CDK13: variants seen among roughly 807,000 people sequenced by gnomAD.
The protein encoded by CDK13 is cyclin-dependent kinase 13.
Under a neutral mutation model 137.6 loss-of-function variants are expected in CDK13, and 40 were observed. That is an observed-to-expected ratio of 0.29 (90% CI 0.23 to 0.38). CDK13 has a LOEUF of 0.38. Among genes scored for constraint, CDK13 ranks in the 10% least tolerant of loss-of-function variants. The pLI is 1.00. For missense variants in CDK13, 1,704 were observed against 1,951.8 expected, an observed-to-expected ratio of 0.87 and a Z score of 2.39; for synonymous variants, 869 against 760.1, an observed-to-expected ratio of 1.14 and a Z score of -2.36.
At chr7:39,958,190 G>A (rs887346935) in intron 1 of CDK13, among the ~76,000 whole-genome samples, 14 of 145,330 alleles carry the variant, frequency 9.6e-5, no homozygotes, top group Non-Finnish European at 2.0e-4. Context: ...TTAGTGAGAG[G>A]AACCGAAAAT....
At chr7:39,959,410 T>C (rs773405) in intron 1 of CDK13, among the ~76,000 whole-genome samples, 150,685 of 151,784 alleles carry the variant, frequency 0.99, 74,805 homozygotes, top group East Asian at 1. Flanking sequence ...ATCCACCCGC[T>C]TCAGCCTCCC....
In CDK13 at chr7:39,954,511, G is replaced by C. The variant is rs552726453; in HGVS notation, c.1211+2659G>C. On this transcript the variant is annotated intron_variant, in intron 1 of 13. Transcript: ENST00000181839. ...ATTTCTAGTGCTCAGCACTGTATCT[G>C]GCACAAGTACACTCTTAATAAATGT... Among the ~76,000 whole-genome samples the C allele has an allele frequency of 1.3e-4, 11 of 83,980 alleles. No individual in the cohort carries two copies. The South Asian group carries it at 4.1e-3, about 31-fold the overall frequency. 55.1% of individuals were successfully genotyped at this position (83,980 alleles called of 152,430 possible).
At chr7:40,061,777 C>T (rs1261014879) in intron 7 of CDK13, 1 of 152,200 alleles carries the variant, frequency 6.6e-6, no homozygotes, top group Non-Finnish European at 1.5e-5. Flanking sequence ...TCAGCTAGAA[C>T]GTGACCATTC....
At chr7:40,044,072 T>A (rs1463469420) in intron 5 of CDK13, among the ~76,000 whole-genome samples, 1 of 151,598 alleles carries the variant, frequency 6.6e-6, no homozygotes, top group Non-Finnish European at 1.5e-5. Context: ...AGTTTTTGTA[T>A]TTTTAGTAGA....
intron 9 of CDK13, chr7:40,071,689 T>C (rs1184478793): frequency 6.6e-6 from 1 of 152,228 alleles, no homozygotes; most frequent in African/African-American, 2.4e-5. Context: ...TTTTATGTTA[T>C]ATAATTTGTA....
Position 39,951,626 on chromosome 7 carries a change from C to CAA in CDK13, c.986_987insAA (p.His329GlnfsTer8). The CAA allele has an allele frequency of 6.7e-7, 1 of 1,486,508 alleles. No individual in the cohort carries two copies. Among genetic ancestry groups the CAA allele is most frequent in the Non-Finnish European group, 8.9e-7 (1 of 1,122,416 alleles). 92.1% of individuals were successfully genotyped at this position (1,486,508 alleles called of 1,614,324 possible). On this transcript the variant is annotated frameshift_variant, in exon 1 of 14. Coordinates refer to ENST00000181839, the MANE Select transcript of CDK13 (RefSeq NM_003718.5). LOFTEE classifies it high-confidence loss of function. ...AGGCCGGGACGACAGCCCGGTGTCC[C>CAA]ACAGGGCCTCTCAGAGCCTGAGGAG...
At chr7:40,019,817 G>A (rs1479257263) in intron 5 of CDK13, among the ~76,000 whole-genome samples, 1 of 152,122 alleles carries the variant, frequency 6.6e-6, no homozygotes, top group Non-Finnish European at 1.5e-5. Flanking sequence ...CATGAGAAGA[G>A]ACCCAGAGAT....
intron 1 of CDK13, among the ~76,000 whole-genome samples, chr7:39,969,783 A>G (rs1460346492): frequency 1.3e-5 from 2 of 151,954 alleles, no homozygotes; most frequent in Non-Finnish European, 1.5e-5. Flanking sequence ...GTATACTTCC[A>G]TATGTTTATT....
intron 5 of CDK13, among the ~76,000 whole-genome samples, chr7:40,044,317 CTTT>C (rs538722742): frequency 6.9e-6 from 1 of 144,522 alleles, no homozygotes; most frequent in Admixed American, 7.0e-5. Flanking sequence ...AAGTCTTTTG[CTTT>C]TTTTTTTTTC....
intron 5 of CDK13, among the ~76,000 whole-genome samples, chr7:40,027,321 T>C (rs1231807229): frequency 6.6e-6 from 1 of 152,204 alleles, no homozygotes; most frequent in Non-Finnish European, 1.5e-5. Context: ...CCAGCCTAGA[T>C]GACAGAGTGA....
chr7:40,064,808 T>C (rs1041772035), intron 9 of CDK13, among the ~76,000 whole-genome samples: 3 of 151,532 alleles, frequency 2.0e-5, no homozygotes, highest in African/African-American at 7.3e-5. Context: ...TTCCTGTTTT[T>C]TGAGACAGTA....
intron 1 of CDK13, among the ~76,000 whole-genome samples, chr7:39,975,938 A>C (rs1305855318): frequency 6.6e-6 from 1 of 152,206 alleles, no homozygotes; most frequent in African/African-American, 2.4e-5. Context: ...ATACAAGCCA[A>C]CCTGTAACAA....
chr7:40,081,159 T>G (rs983916119), intron 11 of CDK13, among the ~76,000 whole-genome samples: 2 of 152,160 alleles, frequency 1.3e-5, no homozygotes, highest in African/African-American at 4.8e-5. Flanking sequence ...CAATTTGGAT[T>G]TGATTGCCTT....
intron 5 of CDK13, among the ~76,000 whole-genome samples, chr7:40,031,828 GTTATTATTATTATTATTATTATTATTA>G (rs34654098): frequency 7.2e-6 from 1 of 139,108 alleles, no homozygotes; most frequent in East Asian, 2.1e-4. Context: ...TATTATTATT[GTTATTATTATTATTATTATTATTATTA>G]TTATTATTAT....
At chr7:40,048,028 G>A in intron 7 of CDK13, 151 bp downstream of exon 7, 2 of 476,044 alleles carry the variant, frequency 4.2e-6, no homozygotes, top group Non-Finnish European at 7.5e-6. Context: ...ACCATATTGG[G>A]TTGATTATTG....
rs985289890 is a variant in CDK13, at chr7:39,950,646, C to T, written c.5C>T (p.Pro2Leu). M[P>L]SSSDTALGGG... is the part of the protein sequence containing the mutation. ...CTCTGCGGCTGGCTCTAGGCGATGC[C>T]GAGCAGCTCGGACACGGCGCTGGGG... The change falls in exon 1 of 14, where the codon CCG (proline) becomes CTG (leucine). Residue 2 changes from proline to leucine, a missense_variant. Pro to Leu is a moderately conservative substitution (Grantham distance 98, BLOSUM62 -3). Around this residue, in one of 5 missense-constraint regions of CDK13, gnomAD observed 1,051 missense variants for 931.0 expected, o/e 1.13. Transcript: ENST00000181839. 2.0e-5 allele frequency: 27 copies of T among 1,333,644 alleles called. No individual in the cohort carries two copies. The highest frequency in any genetic ancestry group is 2.2e-5 in the Non-Finnish European group (23 of 1,044,842). 82.6% of individuals were successfully genotyped at this position (1,333,644 alleles called of 1,614,324 possible). A position where few individuals can be genotyped will look rare whatever the true frequency, so the allele number is the denominator to read the frequency against.
At chr7:39,977,254 T>A (rs1784131005) in intron 1 of CDK13, among the ~76,000 whole-genome samples, 1 of 152,156 alleles carries the variant, frequency 6.6e-6, no homozygotes, top group Admixed American at 6.5e-5. Flanking sequence ...TAAGCAAAGG[T>A]AGGTTAGGAC....
At chr7:39,984,684 T>G (rs986000998) in intron 1 of CDK13, 3 of 152,134 alleles carry the variant, frequency 2.0e-5, no homozygotes, top group Admixed American at 6.6e-5. Flanking sequence ...AAATTATTTT[T>G]GACTGTTGGC....
At chr7:39,966,278 T>C (rs1783868489) in intron 1 of CDK13, among the ~76,000 whole-genome samples, 1 of 152,226 alleles carries the variant, frequency 6.6e-6, no homozygotes, top group South Asian at 2.1e-4. Context: ...ATTTGGTGTT[T>C]TCACATGGTT....
Sources: gnomAD v4.1 joint callset for allele counts (sites outside exome capture counted in the v4.1 genomes callset) on GRCh38, gnomAD v4.1.1 for gene constraint, gnomAD v4.1.1 regional missense constraint, MANE v1.5 for transcripts, NCBI Gene and HGNC (gene_info 2026-07-23, HGNC 2026-07-21) for gene names.